The following TTN variants were observed in gnomAD, a reference collection of about 807,000 sequenced individuals.
TTN encodes the protein connectin.
Under a neutral mutation model 3,223.0 loss-of-function variants are expected in TTN, and 1,525 were observed. That is an observed-to-expected ratio of 0.47 (90% CI 0.45 to 0.49). The LOEUF is 0.49. Ranked by LOEUF, TTN falls within the 20% of genes least tolerant of loss-of-function variation. The probability of loss-of-function intolerance (pLI) is 0.00; values close to 1 mark genes in which losing one functional copy is unlikely to be tolerated. For missense variants in TTN, 40,786 were observed against 43,424.0 expected (o/e 0.94, Z 5.40); for synonymous variants, 14,094 against 15,161.0 (o/e 0.93, Z 5.17).
chr2:178,572,389 G>T lies in TTN; in HGVS notation c.73743C>A (p.Asp24581Glu), dbSNP rs727504603. Residue 24581 changes from aspartate (D) to glutamate (E), a missense_variant, in exon 326 of 363, where the codon GAC becomes GAA. Coordinates refer to ENST00000589042, the MANE Select transcript of TTN (RefSeq NM_001267550.2). ...TNCHKTSWKV[D>E]QLQEGCSYYF... ...AGTAGCTACAGCCTTCTTGAAGCTGGTCTACCTTCCAGGAAGTCTTGTGGC... is the reference window on the plus strand; with the variant it reads ...AGTAGCTACAGCCTTCTTGAAGCTGTTCTACCTTCCAGGAAGTCTTGTGGC... 2.2e-5 allele frequency: 36 copies of T among 1,613,062 alleles called. No homozygotes were observed. Among genetic ancestry groups the T allele is most frequent in the Non-Finnish European group, 3.0e-5 (35 of 1,179,264 alleles).
At chr2:178,665,128 C>T (rs573509440) in intron 165 of TTN, among the ~76,000 whole-genome samples, 6 of 152,028 alleles carry the variant, frequency 3.9e-5, no homozygotes, top group Admixed American at 6.6e-5. Flanking sequence ...ACAGAGCTCT[C>T]GCGACACTCT....
In TTN at chr2:178,590,083, T is replaced by C; in HGVS notation, c.61642A>G (p.Ile20548Val). The change falls in exon 304 of 363, where the codon ATC becomes GTC. Residue 20548 changes from isoleucine (I) to valine (V), a missense_variant. Transcript: ENST00000589042. ...CCACTGCTGTTCTTAGCTGAGATGATATACTTGCCATGATCAGCTCTAACA... is the reference window on the plus strand; with the variant it reads ...CCACTGCTGTTCTTAGCTGAGATGACATACTTGCCATGATCAGCTCTAACA... ...EAVRADHGKY[I>V]ISAKNSSGHA... 6.2e-7 allele frequency: 1 copy of C among 1,613,280 alleles called. No homozygotes were observed. The highest frequency in any genetic ancestry group is 8.5e-7 in the Non-Finnish European group (1 of 1,179,498).
At chr2:178,623,504 A>G (rs934715696) in intron 242 of TTN, among the ~76,000 whole-genome samples, 2 of 151,896 alleles carry the variant, frequency 1.3e-5, no homozygotes, top group African/African-American at 4.8e-5. Flanking sequence ...CTTGAGCAAT[A>G]AGATTCTGAG....
chr2:178,665,646 A>G, intron 164 of TTN, 62 bp downstream of exon 164: 1 of 1,294,238 alleles, frequency 7.7e-7, no homozygotes, highest in Admixed American at 2.9e-5. Context: ...CCAGTTCCCT[A>G]GCACCCTGTA....
chr2:178,702,303 T>C (rs753973724), intron 107 of TTN, 58 bp from the exon 108 acceptor site: 165 of 1,609,340 alleles, frequency 1.0e-4, no homozygotes, highest in Non-Finnish European at 1.0e-4. Flanking sequence ...AACACTTCTT[T>C]ACTTCAATAT....
rs778674455 is a variant in TTN, at chr2:178,587,978, G to A, written c.63429C>T (p.Phe21143=). 6.8e-6 allele frequency: 11 copies of A among 1,612,124 alleles called. No individual in the cohort carries two copies. Among genetic ancestry groups the A allele is most frequent in the Non-Finnish European group, 9.3e-6 (11 of 1,179,046 alleles). The change falls in exon 305 of 363, where the codon TTC becomes TTT. Residue 21143 remains phenylalanine (F), a synonymous_variant. Transcript: ENST00000589042. ...CAACTTGGTTTTGGGCACACACCCT[G>A]AACTCATATTCCTGGTTTTCATCCA... ...TSLDENQEYE[F]RVCAQNQVGI... is the part of the protein sequence containing the mutation.
chr2:178,674,892 C>T (rs532571034), intron 150 of TTN, 147 bp downstream of exon 150: 3 of 439,492 alleles, frequency 6.8e-6, no homozygotes, highest in South Asian at 5.3e-5. Context: ...TTTGCCTGCC[C>T]AATTTCTATT....
rs758112061 is a variant in TTN, at chr2:178,649,258, A to C, written c.40047T>G (p.Leu13349=). The C allele has an allele frequency of 2.7e-6, 4 of 1,500,594 alleles. No homozygotes were observed. The East Asian group carries it at 7.9e-5, about 30-fold the overall frequency. The allele number at this position is 1,500,594 out of a possible 1,614,324, so 93.0% of individuals were successfully genotyped here. A position where few individuals can be genotyped will look rare whatever the true frequency, so the allele number is the denominator to read the frequency against. ...CTTCATGGTAGGTACCTTTTTCTGG[A>C]AGAACTTCTGGTTTTTTGGTAACAG... ...PVPVTKKPEV[L]PEKVPKVPEK... Residue 13349 remains leucine (L), a synonymous_variant, in exon 213 of 363, where the codon CTT becomes CTG. Coordinates refer to ENST00000589042, the MANE Select transcript of TTN (RefSeq NM_001267550.2).
In TTN at chr2:178,752,120, A is replaced by G. The variant is rs2154331663; in HGVS notation, c.11311+1004T>C. 3 of 1,286,336 alleles carry G rather than the reference A, an allele frequency of 2.3e-6. No homozygotes were observed. In the Admixed American group the frequency reaches 6.2e-5, roughly 27 times the overall value. 79.7% of individuals were successfully genotyped at this position (1,286,336 alleles called of 1,614,324 possible). On this transcript the variant is annotated intron_variant, in intron 47 of 362. Transcript: ENST00000589042. ...AGTAAATAAAATTGCAAAATAGGAA[A>G]TGAAATAAATTGCATGCTACAGATC...
chr2:178,679,339 C>T lies in TTN; in HGVS notation c.33742G>A (p.Val11248Ile), dbSNP rs996345107. ...PKKEKPPPAK[V>I]PEVPKKPVPE... Reference sequence around the variant, plus strand: ...CCACTGATGGATTATAAGGATGTACCTTTTGCTGGCGGAGGCTTCTCCTTT... The same window carrying T: ...CCACTGATGGATTATAAGGATGTACTTTTTGCTGGCGGAGGCTTCTCCTTT... Residue 11248 changes from valine to isoleucine, a missense_variant and splice_region_variant, in exon 142 of 363, where the codon GTT becomes ATT. Coordinates refer to ENST00000589042, the MANE Select transcript of TTN (RefSeq NM_001267550.2). The T allele has an allele frequency of 3.1e-6, 5 of 1,612,470 alleles. No individual in the cohort carries two copies. Among genetic ancestry groups the T allele is most frequent in the Admixed American group, 1.7e-5 (1 of 59,854 alleles).
chr2:178,676,461 A>G (rs1000104975), intron 147 of TTN, among the ~76,000 whole-genome samples: 1 of 151,884 alleles, frequency 6.6e-6, no homozygotes, highest in African/African-American at 2.4e-5. Context: ...AGAAAATATT[A>G]TTGAGCTTTA....
In TTN at chr2:178,724,388, A is replaced by C. The variant is rs2078977093; in HGVS notation, c.20987T>G (p.Phe6996Cys). The C allele has an allele frequency of 1.2e-6, 2 of 1,613,516 alleles. No homozygotes were observed. The highest frequency in any genetic ancestry group is 1.7e-6 in the Non-Finnish European group (2 of 1,179,606). The change falls in exon 72 of 363, where the codon TTT (phenylalanine) becomes TGT (cysteine). Residue 6996 changes from phenylalanine to cysteine, a missense_variant. Transcript: ENST00000589042. Reference protein sequence around the residue: ...KLLTSSQKHKFSFYNKISSLR... With the variant: ...KLLTSSQKHKCSFYNKISSLR... ...GGAAGAGATTTTGTTGTAGAAGCTA[A>C]ATTTGTGTTTTTGGCTGCTGGTCAA...
In TTN at chr2:178,609,870, C is replaced by G; in HGVS notation, c.51553G>C (p.Glu17185Gln). Residue 17185 changes from glutamate to glutamine, a missense_variant, in exon 272 of 363, where the codon GAG becomes CAG. Transcript: ENST00000589042. Reference sequence around the variant, plus strand: ...CTTTCTTCACCCTTAGCAATCTTCTCTATGATGTAGCCCATTATCTTGCTC... The same window carrying G: ...CTTTCTTCACCCTTAGCAATCTTCTGTATGATGTAGCCCATTATCTTGCTC... The part of the protein sequence containing the change: ...GGSKIMGYII[E>Q]KIAKGEERWK... The G allele has an allele frequency of 6.2e-7, 1 of 1,613,082 alleles. No homozygotes were observed. The highest frequency in any genetic ancestry group is 1.1e-5 in the South Asian group (1 of 91,056).
Position 178,789,966 on chromosome 2 carries a change from A to G in TTN, c.1938+12T>C. 2 of 1,612,572 alleles carry G rather than the reference A, an allele frequency of 1.2e-6. No homozygotes were observed. Among genetic ancestry groups the G allele is most frequent in the South Asian group, 1.1e-5 (1 of 91,042 alleles). On this transcript the variant is annotated intron_variant, in intron 12 of 362. Transcript: ENST00000589042. ...AAGATGAACTTTTCACAGCTCAAATATCTGTATTCACCTTCTCCTGAGTTA... is the reference window on the plus strand; with the variant it reads ...AAGATGAACTTTTCACAGCTCAAATGTCTGTATTCACCTTCTCCTGAGTTA...
rs377190830 is a variant in TTN, at chr2:178,572,792, C to T, written c.73340G>A (p.Arg24447Lys). The T allele has an allele frequency of 5.6e-6, 9 of 1,613,348 alleles. No individual in the cohort carries two copies. In the African/African-American group the frequency reaches 1.1e-4, roughly 19 times the overall value. The change falls in exon 326 of 363, where the codon AGA (arginine) becomes AAA (lysine). Residue 24447 changes from arginine (R) to lysine (K), a missense_variant. By Grantham distance (26) the Arg-to-Lys change is conservative. Transcript: ENST00000589042. ...VVTIRACCTLRLFVPIKGRPA... is the reference protein window; with the variant it reads ...VVTIRACCTLKLFVPIKGRPA... ...CCTTCCTTTGATGGGAACAAAAAGT[C>T]TCAGGGTGCAGCAGGCCCTTATAGT...
At position 178,622,659 on chromosome 2, in the gene TTN, C is replaced by CA. The variant is rs745700983; in HGVS notation, c.44913+10dup. ...TTGACAGTACAAGATGACAGGTATA[C>CA]AGTCACAGACCTTAGCATTTTCTCG... On this transcript the variant is annotated intron_variant, in intron 243 of 362. Coordinates refer to ENST00000589042, the MANE Select transcript of TTN (RefSeq NM_001267550.2). The CA allele has an allele frequency of 1.3e-5, 20 of 1,593,080 alleles. No individual in the cohort carries two copies. Among genetic ancestry groups the CA allele is most frequent in the South Asian group, 1.1e-4 (10 of 88,088 alleles).
At position 178,531,269 on chromosome 2, in the gene TTN, C is replaced by T. The variant is rs747956960; in HGVS notation, c.105346G>A (p.Glu35116Lys). The T allele has an allele frequency of 1.9e-6, 3 of 1,613,984 alleles. No individual in the cohort carries two copies. The highest frequency in any genetic ancestry group is 2.5e-6 in the Non-Finnish European group (3 of 1,179,868). Residue 35116 changes from glutamate to lysine, a missense_variant, in exon 358 of 363, where the codon GAA becomes AAA. Physicochemically the swap from Glu to Lys is moderately conservative, Grantham distance 56 (BLOSUM62 1). Coordinates refer to ENST00000589042, the MANE Select transcript of TTN (RefSeq NM_001267550.2). ...TTGATCTTTCTGGTTGTGGATTTTT[C>T]TTCCAGTGACTTTTCTTCTAATGCA... ...SAALEEKSLE[E>K]KSTTRKIKTT... is the part of the protein sequence containing the mutation.
rs778138805 is a variant in TTN, at chr2:178,575,836, G to A, written c.70296C>T (p.Val23432=). 1 of 1,613,546 alleles carries A rather than the reference G, an allele frequency of 6.2e-7. No homozygotes were observed. The highest frequency in any genetic ancestry group is 1.1e-5 in the South Asian group (1 of 91,076). ...TGAGGACTGGGCCTGGCGTGTCCAA[G>A]ACTCTGACGTTCACAAAGCCACTTT... ...GKKSGFVNVR[V]LDTPGPVLNL... Residue 23432 remains valine (V), a synonymous_variant, in exon 326 of 363, where the codon GTC becomes GTT. Transcript: ENST00000589042. The surrounding 1 kb of genome is among the most constrained non-coding windows in gnomAD (Gnocchi z 4.0).
At position 178,561,975 on chromosome 2, in the gene TTN, G is replaced by T; in HGVS notation, c.84157C>A (p.Leu28053Ile). ...GGACCTGGAGGTCCTGGTCTGTCAA[G>T]GACAATTATAGTAATAGGAACTGTT... ...SITVPITIIVLDRPGPPGPIR... is the reference protein window; with the variant it reads ...SITVPITIIVIDRPGPPGPIR... Residue 28053 changes from leucine to isoleucine, a missense_variant, in exon 326 of 363, where the codon CTT becomes ATT. Leu to Ile is a conservative substitution (Grantham distance 5, BLOSUM62 2). Coordinates refer to ENST00000589042, the MANE Select transcript of TTN (RefSeq NM_001267550.2). 1.9e-6 allele frequency: 3 copies of T among 1,613,244 alleles called. No homozygotes were observed. Among genetic ancestry groups the T allele is most frequent in the Non-Finnish European group, 2.5e-6 (3 of 1,179,516 alleles).
Sources: allele counts gnomAD v4.1 joint callset (sites outside exome capture counted in the v4.1 genomes callset), GRCh38; gene constraint gnomAD v4.1.1; non-coding constraint Gnocchi (gnomAD v3.1); transcripts MANE v1.5; gene names NCBI Gene and HGNC (gene_info 2026-07-23, HGNC 2026-07-21).